Variants in GLRA1 observed in about 807,000 individuals in gnomAD.
GLRA1 encodes glycine receptor subunit alpha-1.
GLRA1 carries 37 observed loss-of-function variants against 48.3 expected under a neutral mutation model. That is an observed-to-expected ratio of 0.77 (90% confidence interval 0.59 to 1.01). The LOEUF (loss-of-function observed/expected upper bound fraction) is 1.01. Ranked by LOEUF, GLRA1 falls within the 50% of genes least tolerant of loss-of-function variation. The pLI is 0.00. For missense variants in GLRA1, 427 were observed against 571.0 expected (o/e 0.75, Z 2.57); for synonymous variants, 196 against 210.7 (o/e 0.93, Z 0.60).
intron 7 of GLRA1, among the ~76,000 whole-genome samples, chr5:151,838,967 G>C (rs1463035535): frequency 6.6e-6 from 1 of 152,076 alleles, no homozygotes; most frequent in Non-Finnish European, 1.5e-5. Flanking sequence ...CCACCTCCCA[G>C]GTTCAAGAAA....
intron 1 of GLRA1, among the ~76,000 whole-genome samples, chr5:151,912,505 C>T (rs765312075): frequency 4.6e-5 from 7 of 152,120 alleles, no homozygotes; most frequent in Non-Finnish European, 8.8e-5. Flanking sequence ...AAAGGTTGAG[C>T]GAGCAACTCA....
At chr5:151,893,339 T>G (rs1043722127) in intron 1 of GLRA1, among the ~76,000 whole-genome samples, 6 of 150,564 alleles carry the variant, frequency 4.0e-5, no homozygotes, top group Admixed American at 6.7e-5. Flanking sequence ...TTTCTTTCTT[T>G]CTTTCTTTCT....
At chr5:151,923,147 A>G (rs1459306799) in intron 1 of GLRA1, among the ~76,000 whole-genome samples, 2 of 152,212 alleles carry the variant, frequency 1.3e-5, no homozygotes, top group Non-Finnish European at 2.9e-5. Flanking sequence ...CTACAAAATA[A>G]TTGTTTGAAC....
At chr5:151,849,050 G>A (rs1752761540) in intron 7 of GLRA1, 1 of 451,360 alleles carries the variant, frequency 2.2e-6, no homozygotes, top group Non-Finnish European at 4.2e-6. Flanking sequence ...CTGTGTGGAA[G>A]AGTTGCCTGA....
In GLRA1 at chr5:151,889,210, GA is replaced by G. The variant is rs1234938925; in HGVS notation, c.185-2423del. On this transcript the variant is annotated intron_variant, in intron 2 of 8. Transcript: ENST00000274576. ...AAATCTGAAATTAAATTATCTTTGAGAAAATTACAATTTAGCTGCCTTTGGC... is the reference window on the plus strand; with the variant it reads ...AAATCTGAAATTAAATTATCTTTGAGAAATTACAATTTAGCTGCCTTTGGC... Among the ~76,000 whole-genome samples, 3 of 152,334 alleles carry G rather than the reference GA, an allele frequency of 2.0e-5. No homozygotes were observed. The East Asian group carries it at 5.8e-4, about 29-fold the overall frequency.
chr5:151,867,878 T>C (rs532838283), intron 3 of GLRA1, among the ~76,000 whole-genome samples: 1 of 152,354 alleles, frequency 6.6e-6, no homozygotes, highest in South Asian at 2.1e-4. Flanking sequence ...CTAGCCAATT[T>C]AGCACCATTG....
At chr5:151,914,497 G>A (rs147178725) in intron 1 of GLRA1, among the ~76,000 whole-genome samples, 121 of 152,328 alleles carry the variant, frequency 7.9e-4, no homozygotes, top group African/African-American at 2.5e-3. Context: ...GTGTCTGGGG[G>A]TTAGAGAACA....
Position 151,897,602 on chromosome 5 carries a change from T to G in GLRA1, c.57-5164A>C, listed in dbSNP as rs1013115207. Among the ~76,000 whole-genome samples, 3 of 152,306 alleles carry G rather than the reference T, an allele frequency of 2.0e-5. No individual in the cohort carries two copies. In the East Asian group the frequency reaches 5.8e-4, roughly 29 times the overall value. On this transcript the variant is annotated intron_variant, in intron 1 of 8. Coordinates refer to ENST00000274576, the MANE Select transcript of GLRA1 (RefSeq NM_000171.4). Reference sequence around the variant, plus strand: ...TACTGAGAAGGCTTATTGCAATAGATGCACTGACTATACAAAGTATTAGAC... The same window carrying G: ...TACTGAGAAGGCTTATTGCAATAGAGGCACTGACTATACAAAGTATTAGAC...
At chr5:151,857,045 G>A (rs1217068451) in intron 4 of GLRA1, among the ~76,000 whole-genome samples, 1 of 152,152 alleles carries the variant, frequency 6.6e-6, no homozygotes, top group Non-Finnish European at 1.5e-5. Flanking sequence ...CTGGCGGCAG[G>A]CTCTGTCCTC....
At chr5:151,919,082 G>T (rs1478032721) in intron 1 of GLRA1, among the ~76,000 whole-genome samples, 1 of 152,096 alleles carries the variant, frequency 6.6e-6, no homozygotes, top group Non-Finnish European at 1.5e-5. Context: ...CTTCTGACAA[G>T]ACTCTCTGGA....
chr5:151,863,414 C>A (rs1753253748), intron 3 of GLRA1, among the ~76,000 whole-genome samples: 2 of 152,116 alleles, frequency 1.3e-5, no homozygotes, highest in East Asian at 1.9e-4. Context: ...CAGAGTGAGA[C>A]CCTGTCACAA....
At chr5:151,831,266 A>G (rs183216494) in intron 7 of GLRA1, among the ~76,000 whole-genome samples, 18 of 151,976 alleles carry the variant, frequency 1.2e-4, no homozygotes, top group Non-Finnish European at 2.2e-4. Flanking sequence ...GTTTTTTCAT[A>G]CCCCAGTGGC....
intron 7 of GLRA1, 43 bp from the exon 8 acceptor site, chr5:151,829,110 G>A: frequency 2.5e-6 from 4 of 1,598,452 alleles, no homozygotes; most frequent in African/African-American, 1.3e-5. Flanking sequence ...GAAAGCAGGG[G>A]AATGTAAAAC....
Position 151,822,723 on chromosome 5 carries a change from A to C in GLRA1, c.1300T>G (p.Tyr434Asp). ...CGGACAATCTTGTAGATGATCCAGT[A>C]GAACATGTTGAAAATGAGGAAGGCC... ...PMAFLIFNMF[Y>D]WIIYKIVRRE... The change falls in exon 9 of 9, where the codon TAC (tyrosine) becomes GAC (aspartate). Residue 434 changes from tyrosine to aspartate, a missense_variant. Tyr to Asp is a radical substitution (Grantham distance 160, BLOSUM62 -3). Around this residue, in one of 4 missense-constraint regions of GLRA1, gnomAD observed 121 missense variants for 96.5 expected, o/e 1.25. Transcript: ENST00000274576. 1.2e-6 allele frequency: 2 copies of C among 1,613,868 alleles called. No individual in the cohort carries two copies. Among genetic ancestry groups the C allele is most frequent in the Non-Finnish European group, 1.7e-6 (2 of 1,179,764 alleles).
At chr5:151,868,314 A>G (rs76979163) in intron 3 of GLRA1, among the ~76,000 whole-genome samples, 20,959 of 152,256 alleles carry the variant, frequency 0.14, 1,555 homozygotes, top group African/African-American at 0.16. Context: ...TAAATTCAGA[A>G]TTAATAATAA....
In GLRA1 at chr5:151,906,060, G is replaced by T. The variant is rs533183762; in HGVS notation, c.57-13622C>A. ...TGGTGGACTCAAATCTGATTCTGCC[G>T]TTTATTAGCGGGTTCTGATTTATTA... On this transcript the variant is annotated intron_variant, in intron 1 of 8. Coordinates refer to ENST00000274576, the MANE Select transcript of GLRA1 (RefSeq NM_000171.4). 2.3e-3 allele frequency among the ~76,000 whole-genome samples: 347 copies of T among 152,218 alleles called. 1 individual carries two copies. Among genetic ancestry groups the T allele is most frequent in the African/African-American group, 8.1e-3 (338 of 41,524 alleles).
intron 1 of GLRA1, among the ~76,000 whole-genome samples, chr5:151,909,601 T>A (rs1190494569): frequency 6.6e-6 from 1 of 152,234 alleles, no homozygotes; most frequent in African/African-American, 2.4e-5. Flanking sequence ...TTTAATTTGA[T>A]TTTTAGTCTT....
chr5:151,853,704 A>G (rs1326846116), intron 6 of GLRA1, among the ~76,000 whole-genome samples: 1 of 151,994 alleles, frequency 6.6e-6, no homozygotes, highest in Non-Finnish European at 1.5e-5. Flanking sequence ...CACTTTTAAT[A>G]TTTATGAAGT....
At chr5:151,862,324 A>T (rs1753228876) in intron 3 of GLRA1, among the ~76,000 whole-genome samples, 1 of 152,252 alleles carries the variant, frequency 6.6e-6, no homozygotes, top group African/African-American at 2.4e-5. Flanking sequence ...AAACCATTAA[A>T]ACCCTAGAAG....
Sources: allele counts gnomAD v4.1 joint callset (sites outside exome capture counted in the v4.1 genomes callset), GRCh38; gene constraint gnomAD v4.1.1; regional missense constraint gnomAD v4.1.1; transcripts MANE v1.5; gene names NCBI Gene and HGNC (gene_info 2026-07-23, HGNC 2026-07-21).